The following CTNNA2 variants were observed in gnomAD, a reference collection of about 807,000 sequenced individuals.
CTNNA2 encodes the protein catenin alpha 2.
In CTNNA2, 42 loss-of-function variants were observed where a neutral mutation model predicts 101.0. The observed-to-expected ratio is 0.42, with a 90% CI of 0.32 to 0.54. The LOEUF (loss-of-function observed/expected upper bound fraction) is 0.54, where lower values mean the gene tolerates loss of function less well. Ranked by LOEUF, CTNNA2 falls within the 20% of genes least tolerant of loss-of-function variation. The pLI is 0.14. For missense variants in CTNNA2, 871 were observed against 1,223.1 expected, an observed-to-expected ratio of 0.71 and a Z score of 4.29; for synonymous variants, 450 against 456.4, an observed-to-expected ratio of 0.99 and a Z score of 0.18.
At chr2:79,911,500 T>G (rs905045765) in intron 7 of CTNNA2, among the ~76,000 whole-genome samples, 8 of 152,198 alleles carry the variant, frequency 5.3e-5, no homozygotes, top group African/African-American at 1.7e-4. Context: ...TTCAGTTTGG[T>G]GTCTAGAATC....
intron 6 of CTNNA2, among the ~76,000 whole-genome samples, chr2:79,902,815 C>T (rs374670279): frequency 2.6e-5 from 4 of 151,796 alleles, no homozygotes; most frequent in South Asian, 2.1e-4. Flanking sequence ...TTAGTAGAGG[C>T]GGGGTTTCAC....
intron 18 of CTNNA2, among the ~76,000 whole-genome samples, chr2:80,625,721 C>A (rs1671612522): frequency 6.6e-6 from 1 of 151,954 alleles, no homozygotes; most frequent in Non-Finnish European, 1.5e-5. Context: ...TTATCACACC[C>A]AAAAAGTCCC....
intron 7 of CTNNA2, among the ~76,000 whole-genome samples, chr2:80,247,706 C>T (rs577832528): frequency 7.2e-5 from 11 of 152,058 alleles, no homozygotes; most frequent in African/African-American, 2.2e-4. Context: ...GGGTTGTTTA[C>T]GTCCAACTTT....
At chr2:80,576,786 T>TAAAAAAAAA (rs1558606620) in intron 13 of CTNNA2, among the ~76,000 whole-genome samples, 6 of 112,094 alleles carry the variant, frequency 5.4e-5, no homozygotes, top group East Asian at 2.7e-4. Flanking sequence ...CTGTCTCTAC[T>TAAAAAAAAA]GAAAAAAAAA....
At chr2:79,861,981 G>T (rs1177856655) in intron 4 of CTNNA2, among the ~76,000 whole-genome samples, 1 of 152,138 alleles carries the variant, frequency 6.6e-6, no homozygotes, top group African/African-American at 2.4e-5. Context: ...TTGATATGTG[G>T]CATCCGGAAT....
intron 3 of CTNNA2, among the ~76,000 whole-genome samples, chr2:79,817,316 CTTTTTTTTTTTT>C (rs550422225): frequency 9.3e-4 from 69 of 73,892 alleles, no homozygotes; most frequent in South Asian, 2.5e-3. Flanking sequence ...TTCTCTCTCA[CTTTTTTTTTTTT>C]TTTTTTTTTT....
chr2:79,500,367 A>G (rs1321152630), intron 4 of CTNNA2, among the ~76,000 whole-genome samples: 2 of 152,140 alleles, frequency 1.3e-5, no homozygotes, highest in South Asian at 2.1e-4. Flanking sequence ...CACCATTTCT[A>G]TGGGATACAA....
At chr2:80,319,346 AAT>A (rs1678455930) in intron 7 of CTNNA2, among the ~76,000 whole-genome samples, 1 of 152,202 alleles carries the variant, frequency 6.6e-6, no homozygotes, top group Non-Finnish European at 1.5e-5. Flanking sequence ...CAAACAATTA[AAT>A]AGTTGTTCAA....
At chr2:80,363,074 A>G (rs1674572779) in intron 7 of CTNNA2, among the ~76,000 whole-genome samples, 1 of 151,686 alleles carries the variant, frequency 6.6e-6, no homozygotes, top group South Asian at 2.1e-4. Context: ...ATCTAGATAT[A>G]TTTTTCAGAA....
At chr2:79,305,018 G>A (rs989871203) in intron 2 of CTNNA2, among the ~76,000 whole-genome samples, 1 of 152,106 alleles carries the variant, frequency 6.6e-6, no homozygotes, top group Non-Finnish European at 1.5e-5. Context: ...AGATGACAAG[G>A]AAAGACTATA....
intron 4 of CTNNA2, among the ~76,000 whole-genome samples, chr2:79,861,566 T>C (rs529002780): frequency 3.3e-5 from 5 of 152,316 alleles, no homozygotes; most frequent in African/African-American, 1.2e-4. Flanking sequence ...AACTTAAATT[T>C]ATATGGCAAC....
At chr2:80,087,640 G>A (rs1390449141) in intron 7 of CTNNA2, among the ~76,000 whole-genome samples, 1 of 152,022 alleles carries the variant, frequency 6.6e-6, no homozygotes, top group African/African-American at 2.4e-5. Context: ...GTTCTCTAAG[G>A]TAGCACTTCT....
intron 7 of CTNNA2, among the ~76,000 whole-genome samples, chr2:80,094,449 A>T (rs1700010580): frequency 6.6e-6 from 1 of 152,202 alleles, no homozygotes; most frequent in Non-Finnish European, 1.5e-5. Context: ...TGATGCCTCC[A>T]GCTTTGTTCC....
chr2:80,117,930 G>A, intron 7 of CTNNA2, among the ~76,000 whole-genome samples: 1 of 152,088 alleles, frequency 6.6e-6, no homozygotes. Context: ...ATAACCTTAT[G>A]AGGTGACTAC....
At chr2:80,526,386 G>A (rs1221180185) in intron 9 of CTNNA2, among the ~76,000 whole-genome samples, 7 of 152,206 alleles carry the variant, frequency 4.6e-5, no homozygotes, top group African/African-American at 1.7e-4. Context: ...TTTTAGTAGA[G>A]ATGGAGTTTC....
At chr2:79,693,769 T>C (rs1684477068) in intron 2 of CTNNA2, among the ~76,000 whole-genome samples, 1 of 151,816 alleles carries the variant, frequency 6.6e-6, no homozygotes, top group Non-Finnish European at 1.5e-5. Flanking sequence ...CATTCTACCT[T>C]CTCCAGAAAT....
At chr2:79,649,423 A>T (rs1681057513) in intron 1 of CTNNA2, 1 of 154,766 alleles carries the variant, frequency 6.5e-6, no homozygotes, top group African/African-American at 2.4e-5. Flanking sequence ...GAGTTTGAAA[A>T]AGGTTCTCAG....
At position 80,099,318 on chromosome 2, in the gene CTNNA2, T is replaced by A. The variant is rs193218180; in HGVS notation, c.1056+189521T>A. 4.6e-5 allele frequency among the ~76,000 whole-genome samples: 7 copies of A among 152,154 alleles called. No individual in the cohort carries two copies. In the East Asian group the frequency reaches 1.2e-3, roughly 25 times the overall value. On this transcript the variant is annotated intron_variant, in intron 7 of 18. Coordinates refer to ENST00000402739, the MANE Select transcript of CTNNA2 (RefSeq NM_001282597.3). ...CAGAAAAAGCTAATGAGATCTTGGG[T>A]TGCATTAATAAGTACAAAGTGGGCA...
intron 1 of CTNNA2, among the ~76,000 whole-genome samples, chr2:79,190,665 T>A (rs767970111): frequency 3.9e-5 from 6 of 152,282 alleles, no homozygotes; most frequent in Non-Finnish European, 5.9e-5. Flanking sequence ...ACCAACCATG[T>A]ACCAAAGTGG....
Sources: allele counts gnomAD v4.1 joint callset (sites outside exome capture counted in the v4.1 genomes callset), GRCh38; gene constraint gnomAD v4.1.1; transcripts MANE v1.5; gene names NCBI Gene and HGNC (gene_info 2026-07-23, HGNC 2026-07-21).